Variants in OTOA observed in about 807,000 individuals in gnomAD.
The protein encoded by OTOA is otoancorin, also known as cancer/testis antigen 108.
Under a neutral mutation model 110.8 loss-of-function variants are expected in OTOA, and 70 were observed. The observed-to-expected ratio is 0.63, with a 90% CI of 0.52 to 0.77. OTOA has a LOEUF of 0.77. Among genes scored for constraint, OTOA ranks in the 30% least tolerant of loss-of-function variants. The pLI is 0.00. For missense variants in OTOA, 917 were observed against 1,075.8 expected, an observed-to-expected ratio of 0.85 and a Z score of 2.06; for synonymous variants, 373 against 431.5, an observed-to-expected ratio of 0.86 and a Z score of 1.68.
rs1374342781 is a variant in OTOA at position 21,707,597 on chromosome 16, C to CTTTCT, written c.1105-2288_1105-2284dup. 8.6e-5 allele frequency among the ~76,000 whole-genome samples: 3 copies of CTTTCT among 35,044 alleles called. No individual in the cohort carries two copies. The East Asian group carries it at 1.8e-3, about 21-fold the overall frequency. The allele number at this position is 35,044 out of a possible 152,430, so 23.0% of individuals were successfully genotyped here. ...CCCTACCTTCCTTCTCCTTCCTTTT[C>CTTTCT]TTTCTTTCTTTCTTTCTTTCTTTCT... On this transcript the variant is annotated intron_variant, in intron 12 of 28. Coordinates refer to ENST00000646100, the MANE Select transcript of OTOA (RefSeq NM_144672.4).
chr16:21,699,357 C>T (rs12325441), intron 10 of OTOA, among the ~76,000 whole-genome samples: 38,084 of 152,124 alleles, frequency 0.25, 4,799 homozygotes, highest in Middle Eastern at 0.27. Context: ...TAGAATGTGC[C>T]GGCTGCCGTG....
At chr16:21,727,017 T>TTG in intron 19 of OTOA, 7 of 235,902 alleles carry the variant, frequency 3.0e-5, no homozygotes, top group South Asian at 2.6e-4. Flanking sequence ...TTAGAGTTTT[T>TTG]TTTTTTTTTT....
At position 21,678,468 on chromosome 16, in the gene OTOA, AT is replaced by A. The variant is rs543031832; in HGVS notation, c.-4-41del. ...TGTGTGTGTGTGTATATATATATATATTAAAAAAACATGAATCACTTCTATG... is the reference window on the plus strand; with the variant it reads ...TGTGTGTGTGTGTATATATATATATATAAAAAAACATGAATCACTTCTATG... On this transcript the variant is annotated intron_variant, in intron 1 of 28. Transcript: ENST00000646100. The A allele has an allele frequency of 7.8e-4, 877 of 1,119,058 alleles. 4 individuals are homozygous for A. The African/African-American group carries it at 0.01, about 13-fold the overall frequency. 69.3% of individuals were successfully genotyped at this position (1,119,058 alleles called of 1,614,324 possible).
At chr16:21,728,674 T>C (rs957448681) in intron 20 of OTOA, among the ~76,000 whole-genome samples, 1 of 151,646 alleles carries the variant, frequency 6.6e-6, no homozygotes, top group African/African-American at 2.4e-5. Flanking sequence ...CTGCAACTTC[T>C]GACTCCCTGG....
chr16:21,735,780 G>A (rs1455021628), intron 21 of OTOA, among the ~76,000 whole-genome samples: 2 of 152,052 alleles, frequency 1.3e-5, no homozygotes, highest in African/African-American at 2.4e-5. Context: ...TTTTAGTAGA[G>A]ATGGGGTTTC....
chr16:21,714,655 G>A (rs1024380358), intron 13 of OTOA, among the ~76,000 whole-genome samples: 2 of 152,004 alleles, frequency 1.3e-5, no homozygotes, highest in Non-Finnish European at 2.9e-5. Context: ...GGGATTACAG[G>A]AACCTGCTAC....
At chr16:21,715,902 G>A (rs560980695) in intron 14 of OTOA, among the ~76,000 whole-genome samples, 17 of 151,994 alleles carry the variant, frequency 1.1e-4, no homozygotes, top group East Asian at 1.9e-4. Context: ...AGCCATGTCC[G>A]TATTCTGTTT....
intron 1 of OTOA, among the ~76,000 whole-genome samples, chr16:21,667,059 G>T (rs186083587): frequency 1.3e-5 from 2 of 152,084 alleles, no homozygotes; most frequent in Non-Finnish European, 2.9e-5. Flanking sequence ...AGGGTCAAAG[G>T]TTCCCCAAAG....
intron 21 of OTOA, among the ~76,000 whole-genome samples, chr16:21,734,124 A>G (rs1597854497): frequency 6.6e-6 from 1 of 150,614 alleles, no homozygotes; most frequent in East Asian, 2.0e-4. Context: ...TTGCATTGCT[A>G]TAAAGAAATA....
At chr16:21,719,309 A>G in intron 16 of OTOA, 78 bp from the exon 17 acceptor site, 1 of 1,551,440 alleles carries the variant, frequency 6.4e-7, no homozygotes, top group Non-Finnish European at 8.9e-7. Context: ...GTATCTGATC[A>G]TATCTGCCTT....
chr16:21,692,184 G>A (rs1382106971), intron 9 of OTOA, among the ~76,000 whole-genome samples: 2 of 152,016 alleles, frequency 1.3e-5, no homozygotes, highest in Non-Finnish European at 1.5e-5. Context: ...AAGATTAACC[G>A]GGCGTGGTGG....
chr16:21,750,177 G>T (rs558093148), intron 24 of OTOA, among the ~76,000 whole-genome samples: 115 of 152,324 alleles, frequency 7.5e-4, no homozygotes, highest in African/African-American at 2.7e-3. Context: ...AACTTTGGGA[G>T]GCTGAAACGG....
At chr16:21,678,851 A>G in intron 2 of OTOA, 64 bp from the exon 3 acceptor site, 1 of 1,578,466 alleles carries the variant, frequency 6.3e-7, no homozygotes, top group Admixed American at 1.7e-5. Flanking sequence ...CCTCTAACCC[A>G]TATTTGTAGT....
chr16:21,731,948 CAT>C (rs768892722), intron 21 of OTOA, among the ~76,000 whole-genome samples: 4 of 152,094 alleles, frequency 2.6e-5, no homozygotes, highest in Admixed American at 2.0e-4. Flanking sequence ...TTGATGCACA[CAT>C]GTTTATTTTT....
rs113176150 is a variant in OTOA at position 21,759,622 on chromosome 16, C to T, written c.3350-848C>T. Among the ~76,000 whole-genome samples, 101 of 152,124 alleles carry T rather than the reference C, an allele frequency of 6.6e-4. 1 individual carries two copies. Among genetic ancestry groups the T allele is most frequent in the Admixed American group, 4.4e-3 (67 of 15,280 alleles). The stretch of plus-strand genomic sequence containing the variant: ...ATTTATAATTTTGATGGATGTTGGT[C>T]GGATGTGGCAGCTTATGCCTGTAAT... On this transcript the variant is annotated intron_variant, in intron 28 of 28. Transcript: ENST00000646100.
intron 6 of OTOA, among the ~76,000 whole-genome samples, chr16:21,682,236 A>G (rs953406306): frequency 6.6e-5 from 10 of 152,186 alleles, no homozygotes; most frequent in Non-Finnish European, 1.3e-4. Flanking sequence ...GTTATTGCCC[A>G]TGTGGTGGAA....
intron 13 of OTOA, 120 bp downstream of exon 13, chr16:21,710,223 C>T: frequency 3.6e-6 from 4 of 1,125,972 alleles, no homozygotes; most frequent in Non-Finnish European, 5.1e-6. Flanking sequence ...AAATTTATTT[C>T]TCACAGTTCT....
intron 15 of OTOA, 139 bp from the exon 16 acceptor site, chr16:21,718,994 A>G (rs1234095898): frequency 2.4e-6 from 2 of 828,348 alleles, no homozygotes. Flanking sequence ...GTCTAGTCCT[A>G]GGTAACTCAC....
At chr16:21,735,675 C>T (rs1384602969) in intron 21 of OTOA, among the ~76,000 whole-genome samples, 6 of 152,136 alleles carry the variant, frequency 3.9e-5, no homozygotes, top group Admixed American at 1.3e-4. Flanking sequence ...CTCACTACAA[C>T]CTCAGCCTCC....
Sources: gnomAD v4.1 joint callset for allele counts (sites outside exome capture counted in the v4.1 genomes callset) on GRCh38, gnomAD v4.1.1 for gene constraint, MANE v1.5 for transcripts, NCBI Gene and HGNC (gene_info 2026-07-23, HGNC 2026-07-21) for gene names.